TDRD1: variants seen among roughly 807,000 people sequenced by gnomAD.
The protein encoded by TDRD1 is tudor domain-containing protein 1.
A neutral mutation model predicts 140.6 loss-of-function variants in TDRD1; 37 were observed. The ratio of observed to expected loss-of-function variants is 0.26; its 90% CI spans 0.20 to 0.35. TDRD1 has a LOEUF of 0.35. Ranked by LOEUF, TDRD1 falls within the 10% of genes least tolerant of loss-of-function variation. The pLI is 1.00. For synonymous variants in TDRD1, 506 were observed against 475.7 expected, an observed-to-expected ratio of 1.06 and a Z score of -0.83; for missense variants, 1,243 against 1,393.0, an observed-to-expected ratio of 0.89 and a Z score of 1.71.
At chr10:114,215,489 C>G (rs1373077875) in intron 16 of TDRD1, among the ~76,000 whole-genome samples, 2 of 152,150 alleles carry the variant, frequency 1.3e-5, no homozygotes, top group African/African-American at 2.4e-5. Flanking sequence ...TGAAGTGATT[C>G]AGAAACATCT....
chr10:114,185,525 G>T (rs988198424), intron 1 of TDRD1, among the ~76,000 whole-genome samples: 5 of 151,888 alleles, frequency 3.3e-5, no homozygotes, highest in African/African-American at 1.2e-4. Context: ...ATCTTCACGT[G>T]TCTCAATAGT....
chr10:114,215,379 A>G (rs1158437650), intron 16 of TDRD1, among the ~76,000 whole-genome samples: 2 of 152,156 alleles, frequency 1.3e-5, no homozygotes, highest in South Asian at 2.1e-4. Context: ...TCTGGTGCAC[A>G]TGTGCAGGCA....
At chr10:114,206,317 A>G in exon 11 of TDRD1, 1 of 1,613,320 alleles carries the variant, frequency 6.2e-7, no homozygotes, top group South Asian at 1.1e-5. Flanking sequence ...CTAAGAAGGA[A>G]AATGCAGATC....
intron 21 of TDRD1, among the ~76,000 whole-genome samples, chr10:114,223,799 A>G (rs73357582): frequency 0.06 from 9,067 of 152,246 alleles, 309 homozygotes; most frequent in African/African-American, 0.072. Flanking sequence ...AGTGCTCTGC[A>G]TTAGTGCAAA....
exon 15 of TDRD1, chr10:114,213,462 G>A: frequency 6.2e-7 from 1 of 1,614,036 alleles, no homozygotes. Flanking sequence ...CAGTTCCCTG[G>A]TGGAGCTTAT....
intron 3 of TDRD1, among the ~76,000 whole-genome samples, chr10:114,197,781 C>G (rs1318144594): frequency 6.6e-6 from 1 of 151,980 alleles, no homozygotes; most frequent in South Asian, 2.1e-4. Flanking sequence ...CCTCAGCTTC[C>G]TGAGTAACTG....
intron 6 of TDRD1, 30 bp downstream of exon 6, chr10:114,202,328 A>T: frequency 7.0e-7 from 1 of 1,425,948 alleles, no homozygotes; most frequent in Admixed American, 1.9e-5. Context: ...TAAATTTTGA[A>T]TAACTCCTCT....
intron 16 of TDRD1, 52 bp from the exon 17 acceptor site, chr10:114,217,493 T>G: frequency 1.0e-6 from 1 of 996,192 alleles, no homozygotes; most frequent in Non-Finnish European, 1.5e-6. Context: ...AAAATCTGTG[T>G]TGTTTATTTT....
exon 4 of TDRD1, chr10:114,199,285 G>T (rs752494505): frequency 6.2e-7 from 1 of 1,612,412 alleles, no homozygotes. Context: ...CCTCCTCTTC[G>T]GTCCACAACT....
intron 22 of TDRD1, 133 bp from the exon 23 acceptor site, chr10:114,226,939 A>G (rs1479493610): frequency 6.7e-6 from 4 of 595,760 alleles, no homozygotes; most frequent in African/African-American, 5.6e-5. Context: ...GTAATGCAAC[A>G]GCAGTAGTAC....
chr10:114,179,682 A>C (rs1411097096), intron 1 of TDRD1: 5 of 152,240 alleles, frequency 3.3e-5, no homozygotes, highest in African/African-American at 9.7e-5. Flanking sequence ...AGAAACTTGC[A>C]TGTGGATTCA....
intron 16 of TDRD1, among the ~76,000 whole-genome samples, chr10:114,214,402 C>A (rs796624620): frequency 2.6e-4 from 40 of 152,252 alleles, no homozygotes; most frequent in African/African-American, 9.6e-4. Context: ...TGGCTCACTC[C>A]TATAATCCTA....
chr10:114,188,112 G>T (rs141909159), exon 2 of TDRD1: 1 of 1,608,250 alleles, frequency 6.2e-7, no homozygotes, highest in East Asian at 2.2e-5. Flanking sequence ...GGCATCAACG[G>T]AGAAGTAGTT....
chr10:114,211,833 A>G (rs2035505825), intron 13 of TDRD1, 33 bp from the exon 14 acceptor site: 4 of 1,487,910 alleles, frequency 2.7e-6, no homozygotes, highest in Non-Finnish European at 3.6e-6. Context: ...ACAGTGGAAA[A>G]ATCATTTGAG....
intron 25 of TDRD1, among the ~76,000 whole-genome samples, chr10:114,230,681 C>T (rs1386801451): frequency 2.0e-5 from 3 of 152,198 alleles, no homozygotes; most frequent in Non-Finnish European, 4.4e-5. Flanking sequence ...AAATAATGTA[C>T]ATGATTGCTT....
intron 9 of TDRD1, among the ~76,000 whole-genome samples, chr10:114,204,482 A>G (rs1045543068): frequency 1.3e-5 from 2 of 152,168 alleles, no homozygotes; most frequent in African/African-American, 2.4e-5. Context: ...TAATTTATGT[A>G]TAATTGAAGG....
In TDRD1 at chr10:114,214,130, T is replaced by C; in HGVS notation, c.2212+16T>C. ...AAAGAGGATGGTAAGTTGATTCTTG[T>C]CATTTGTTTCTTTTTACAAATACAT... On this transcript the variant is annotated intron_variant, in intron 16 of 25. Coordinates refer to ENST00000251864, the Ensembl canonical transcript of TDRD1. The C allele has an allele frequency of 1.2e-6, 2 of 1,610,714 alleles. No individual in the cohort carries two copies. The highest frequency in any genetic ancestry group is 8.5e-7 in the Non-Finnish European group (1 of 1,177,408).
At position 114,222,720 on chromosome 10, in the gene TDRD1, GA is replaced by G; in HGVS notation, c.3007+21del. On this transcript the variant is annotated intron_variant, in intron 21 of 25. Coordinates refer to ENST00000251864, the Ensembl canonical transcript of TDRD1. The stretch of plus-strand genomic sequence containing the variant: ...AATACACAAGTAAGGTTCTTTTAGG[GA>G]AAATATTTGAGGGAAGGTATTTAGT... 7.1e-7 allele frequency: 1 copy of G among 1,411,594 alleles called. No homozygotes were observed. Among genetic ancestry groups the G allele is most frequent in the Non-Finnish European group, 1.0e-6 (1 of 1,003,538 alleles). The allele number at this position is 1,411,594 out of a possible 1,614,324, so 87.4% of individuals were successfully genotyped here.
At chr10:114,229,366 G>A (rs1229158973) in intron 25 of TDRD1, among the ~76,000 whole-genome samples, 9 of 152,052 alleles carry the variant, frequency 5.9e-5, no homozygotes, top group South Asian at 2.1e-4. Flanking sequence ...GTAATAGACC[G>A]TTTCTTTGCG....
Sources: allele counts gnomAD v4.1 joint callset (sites outside exome capture counted in the v4.1 genomes callset), GRCh38; gene constraint gnomAD v4.1.1; transcripts MANE v1.5; gene names NCBI Gene and HGNC (gene_info 2026-07-23, HGNC 2026-07-21).